Variants in PTPRM observed in about 807,000 individuals in gnomAD.
PTPRM encodes protein tyrosine phosphatase receptor type M.
PTPRM carries 47 observed loss-of-function variants against 186.7 expected under a neutral mutation model. That is an observed-to-expected ratio of 0.25 (90% CI 0.20 to 0.32). The LOEUF (loss-of-function observed/expected upper bound fraction) is 0.32, where lower values mean the gene tolerates loss of function less well. Ranked by LOEUF, PTPRM falls within the 10% of genes least tolerant of loss-of-function variation. The pLI is 1.00. For synonymous variants in PTPRM, 668 were observed against 674.9 expected (o/e 0.99, Z 0.16); for missense variants, 1,494 against 1,865.0 (o/e 0.80, Z 3.66).
chr18:8,243,546 A>G (rs1162599256), intron 14 of PTPRM, among the ~76,000 whole-genome samples: 1 of 152,192 alleles, frequency 6.6e-6, no homozygotes, highest in Non-Finnish European at 1.5e-5. Flanking sequence ...TACTCCAATT[A>G]TACGTTCTTG....
intron 2 of PTPRM, among the ~76,000 whole-genome samples, chr18:7,844,820 G>T (rs2046513584): frequency 6.6e-6 from 1 of 152,058 alleles, no homozygotes; most frequent in Non-Finnish European, 1.5e-5. Context: ...TGTCCATTTT[G>T]GTCTGAACTG....
intron 7 of PTPRM, among the ~76,000 whole-genome samples, chr18:7,989,562 G>C (rs1036281276): frequency 6.6e-6 from 1 of 152,124 alleles, no homozygotes; most frequent in African/African-American, 2.4e-5. Context: ...CAGGATTCCT[G>C]TCCACCCACT....
In PTPRM at chr18:8,118,850, CT is replaced by C. The variant is rs1191196404; in HGVS notation, c.2167+4033del. Among the ~76,000 whole-genome samples the C allele has an allele frequency of 9.3e-4, 129 of 139,156 alleles. 2 individuals carry two copies. The highest frequency in any genetic ancestry group is 2.6e-3 in the African/African-American group (99 of 37,764). The allele number at this position is 139,156 out of a possible 152,430, so 91.3% of individuals were successfully genotyped here. On this transcript the variant is annotated intron_variant, in intron 13 of 32. Transcript: ENST00000580170. ...TATATATATGAGATTTATACATGGG[CT>C]TTTTTTTTTAAGCTCATCAGCTGTT...
At chr18:8,254,850 A>G (rs1601498039) in intron 19 of PTPRM, among the ~76,000 whole-genome samples, 1 of 152,246 alleles carries the variant, frequency 6.6e-6, no homozygotes, top group Non-Finnish European at 1.5e-5. Context: ...TCCAAAGCAG[A>G]CATAGACACA....
chr18:8,174,025 C>T (rs1480151438), intron 14 of PTPRM, among the ~76,000 whole-genome samples: 1 of 151,154 alleles, frequency 6.6e-6, no homozygotes. Context: ...GAGATCACGC[C>T]ACTGCACTCC....
chr18:7,857,117 T>G (rs537698081), intron 2 of PTPRM, among the ~76,000 whole-genome samples: 1 of 152,276 alleles, frequency 6.6e-6, no homozygotes, highest in African/African-American at 2.4e-5. Flanking sequence ...TTCTGGCTTT[T>G]CTCTGCTGTG....
At chr18:7,572,153 C>T (rs1388369404) in intron 1 of PTPRM, among the ~76,000 whole-genome samples, 1 of 152,014 alleles carries the variant, frequency 6.6e-6, no homozygotes, top group Admixed American at 6.5e-5. Flanking sequence ...ATAAATTGTT[C>T]CGATCTAGAA....
intron 32 of PTPRM, chr18:8,402,698 C>T (rs1310948605): frequency 5.9e-5 from 9 of 152,122 alleles, no homozygotes; most frequent in Non-Finnish European, 1.2e-4. Context: ...GATCTGACAA[C>T]GTGGCCTTTT....
At chr18:7,735,548 A>G (rs2040751226) in intron 1 of PTPRM, among the ~76,000 whole-genome samples, 1 of 152,240 alleles carries the variant, frequency 6.6e-6, no homozygotes, top group Non-Finnish European at 1.5e-5. Context: ...AAGGAAATAG[A>G]AATATTTTAC....
At chr18:8,026,767 A>G (rs2085597389) in intron 7 of PTPRM, among the ~76,000 whole-genome samples, 1 of 152,142 alleles carries the variant, frequency 6.6e-6, no homozygotes, top group African/African-American at 2.4e-5. Context: ...CTGAGGCAGG[A>G]GAATCACTTT....
chr18:7,780,355 T>G (rs2042796010), intron 2 of PTPRM, among the ~76,000 whole-genome samples: 3 of 152,208 alleles, frequency 2.0e-5, no homozygotes, highest in Admixed American at 1.3e-4. Context: ...CCTTCACTTT[T>G]GTTCTTTGGA....
chr18:7,894,513 C>T (rs1567979500), intron 3 of PTPRM, among the ~76,000 whole-genome samples: 1 of 151,890 alleles, frequency 6.6e-6, no homozygotes, highest in African/African-American at 2.4e-5. Context: ...GTGAACCTGG[C>T]AGGCAGAGCT....
chr18:7,652,296 C>T (rs1329467580), intron 1 of PTPRM, among the ~76,000 whole-genome samples: 1 of 152,256 alleles, frequency 6.6e-6, no homozygotes. Context: ...CACTTTTACA[C>T]TGTTGGTGGG....
At chr18:7,811,296 C>G (rs926419214) in intron 2 of PTPRM, among the ~76,000 whole-genome samples, 1 of 152,136 alleles carries the variant, frequency 6.6e-6, no homozygotes, top group Non-Finnish European at 1.5e-5. Context: ...GCATTTTGCC[C>G]TGGTTGCACA....
intron 1 of PTPRM, among the ~76,000 whole-genome samples, chr18:7,632,086 C>CCAAGT: frequency 6.6e-6 from 1 of 152,272 alleles, no homozygotes; most frequent in South Asian, 2.1e-4. Context: ...AAGTAGGAAG[C>CCAAGT]CAAGTTAGAA....
chr18:7,854,057 C>T (rs2046985325), intron 2 of PTPRM, among the ~76,000 whole-genome samples: 1 of 152,072 alleles, frequency 6.6e-6, no homozygotes, highest in Non-Finnish European at 1.5e-5. Context: ...AGGATTTCCC[C>T]CTGAAGTTTC....
chr18:8,263,125 T>C (rs1342569050), intron 19 of PTPRM, among the ~76,000 whole-genome samples: 2 of 152,104 alleles, frequency 1.3e-5, no homozygotes, highest in Non-Finnish European at 2.9e-5. Flanking sequence ...CTTTTTTTTT[T>C]CAAGGTGGAG....
chr18:7,575,402 T>C (rs1412507234), intron 1 of PTPRM, among the ~76,000 whole-genome samples: 1 of 152,184 alleles, frequency 6.6e-6, no homozygotes, highest in East Asian at 1.9e-4. Flanking sequence ...GAGAGCGGAC[T>C]TTCATCCGCT....
intron 1 of PTPRM, among the ~76,000 whole-genome samples, chr18:7,650,282 T>C (rs1264797446): frequency 1.3e-5 from 2 of 152,170 alleles, no homozygotes; most frequent in Non-Finnish European, 2.9e-5. Context: ...AAGGTAGATT[T>C]TAACCAGCCC....
Sources: allele counts gnomAD v4.1 joint callset (sites outside exome capture counted in the v4.1 genomes callset), GRCh38; gene constraint gnomAD v4.1.1; transcripts MANE v1.5; gene names NCBI Gene and HGNC (gene_info 2026-07-23, HGNC 2026-07-21).